The following ATP10B variants were observed in gnomAD, a reference collection of about 807,000 sequenced individuals.
The protein encoded by ATP10B is phospholipid-transporting ATPase VB.
A neutral mutation model predicts 141.2 loss-of-function variants in ATP10B; 122 were observed. The ratio of observed to expected loss-of-function variants is 0.86; its 90% CI spans 0.75 to 1.00. The LOEUF is 1.00. ATP10B is among the 50% of genes least tolerant of loss of function. The probability of loss-of-function intolerance (pLI) is 0.00; values close to 1 mark genes in which losing one functional copy is unlikely to be tolerated. For synonymous variants in ATP10B, 685 were observed against 692.0 expected, an observed-to-expected ratio of 0.99 and a Z score of 0.16; for missense variants, 1,876 against 1,825.3, an observed-to-expected ratio of 1.03 and a Z score of -0.51.
At chr5:160,589,803 G>A (rs1266969747) in intron 23 of ATP10B, 107 bp from the exon 24 acceptor site, 1 of 787,080 alleles carries the variant, frequency 1.3e-6, no homozygotes, top group Admixed American at 2.0e-5. Flanking sequence ...AATGGAGAAG[G>A]AGGTACCCAG....
chr5:160,652,073 C>A (rs1425288971), intron 7 of ATP10B, among the ~76,000 whole-genome samples: 2 of 152,112 alleles, frequency 1.3e-5, no homozygotes, highest in Non-Finnish European at 2.9e-5. Flanking sequence ...CTGCCGGGCC[C>A]CAGCAATGGT....
intron 2 of ATP10B, among the ~76,000 whole-genome samples, chr5:160,761,568 A>G (rs1166188194): frequency 6.6e-6 from 1 of 152,222 alleles, no homozygotes; most frequent in African/African-American, 2.4e-5. Flanking sequence ...CCTGTGGGAC[A>G]AAAGAATCTG....
chr5:160,919,334 T>C, the ATP10B span, among the ~76,000 whole-genome samples: 5 of 151,658 alleles, frequency 3.3e-5, no homozygotes, highest in African/African-American at 4.8e-5. Context: ...GGGCATCTGC[T>C]TTGTACTAGG....
chr5:160,697,436 A>G (rs887995595), intron 3 of ATP10B, among the ~76,000 whole-genome samples: 3 of 152,198 alleles, frequency 2.0e-5, no homozygotes, highest in Non-Finnish European at 2.9e-5. Flanking sequence ...CTTGTATGGA[A>G]TCAGTTCTTA....
chr5:160,669,669 A>G (rs4099128), intron 7 of ATP10B, among the ~76,000 whole-genome samples: 118,427 of 143,350 alleles, frequency 0.83, 48,762 homozygotes, highest in South Asian at 0.88. Flanking sequence ...CTGTGATCTT[A>G]GCTCACTGCA....
At chr5:160,648,194 T>G (rs918954897) in intron 8 of ATP10B, among the ~76,000 whole-genome samples, 2 of 152,212 alleles carry the variant, frequency 1.3e-5, no homozygotes, top group African/African-American at 4.8e-5. Context: ...CACATGACAA[T>G]GTTCTCTAGA....
At chr5:160,912,698 AAGAAAAG>A in the ATP10B span, among the ~76,000 whole-genome samples, 1 of 151,990 alleles carries the variant, frequency 6.6e-6, no homozygotes, top group Non-Finnish European at 1.5e-5. Context: ...AAAAAGAAAA[AAGAAAAG>A]AGAAAAGAAG....
the ATP10B span, among the ~76,000 whole-genome samples, chr5:160,862,319 T>C: frequency 6.6e-6 from 1 of 152,020 alleles, no homozygotes; most frequent in Non-Finnish European, 1.5e-5. Context: ...CTAAGCCTTC[T>C]GTGAAGAAGA....
chr5:160,862,047 G>C, the ATP10B span, among the ~76,000 whole-genome samples: 1 of 151,936 alleles, frequency 6.6e-6, no homozygotes, highest in Non-Finnish European at 1.5e-5. Context: ...AGTACATGAA[G>C]AAATATCCAG....
At chr5:160,928,288 A>G in the ATP10B span, among the ~76,000 whole-genome samples, 1 of 151,986 alleles carries the variant, frequency 6.6e-6, no homozygotes, top group Admixed American at 6.5e-5. Flanking sequence ...TTTGACAGGG[A>G]CTCTTAACAG....
intron 7 of ATP10B, among the ~76,000 whole-genome samples, chr5:160,653,085 A>G (rs1234686204): frequency 8.0e-6 from 1 of 124,418 alleles, no homozygotes; most frequent in South Asian, 2.3e-4. Flanking sequence ...TAGTGTATAT[A>G]TTATATATAC....
chr5:160,682,700 A>G (rs1763480875), intron 6 of ATP10B, among the ~76,000 whole-genome samples: 1 of 152,134 alleles, frequency 6.6e-6, no homozygotes, highest in African/African-American at 2.4e-5. Context: ...ACAAGACAGT[A>G]AGGTGGAAAA....
intron 2 of ATP10B, among the ~76,000 whole-genome samples, chr5:160,733,847 T>C (rs949241239): frequency 6.6e-6 from 1 of 151,856 alleles, no homozygotes; most frequent in African/African-American, 2.4e-5. Flanking sequence ...GGCTCATGCC[T>C]GTAATCCCAG....
At chr5:160,757,345 T>C (rs770187408) in intron 2 of ATP10B, among the ~76,000 whole-genome samples, 1 of 152,188 alleles carries the variant, frequency 6.6e-6, no homozygotes, top group Non-Finnish European at 1.5e-5. Flanking sequence ...GCCCTGACTA[T>C]GGGAATTTTT....
chr5:160,909,861 C>T, the ATP10B span, among the ~76,000 whole-genome samples: 2 of 152,072 alleles, frequency 1.3e-5, no homozygotes, highest in African/African-American at 2.4e-5. Context: ...CTCTGCTGAC[C>T]GACATGGAAG....
rs1581212395 is a variant in ATP10B, at chr5:160,620,603, C to T, written c.2160G>A (p.Glu720=). Residue 720 remains glutamate (E), a synonymous_variant, in exon 15 of 26, where the codon GAG becomes GAA. Coordinates refer to ENST00000327245, the MANE Select transcript of ATP10B (RefSeq NM_025153.3). ...LARPEFCYEA[E]SPDEAALVHA... ...GCACCAGGGCGGCCTCATCAGGGCT[C>T]TCAGCCTCGTAACAGAACTCAGGCC... 4 of 1,613,834 alleles carry T rather than the reference C, an allele frequency of 2.5e-6. No individual in the cohort carries two copies. Among genetic ancestry groups the T allele is most frequent in the Non-Finnish European group, 3.4e-6 (4 of 1,179,742 alleles).
At chr5:160,686,360 A>G in intron 5 of ATP10B, 87 bp from the exon 6 acceptor site, 1 of 1,041,678 alleles carries the variant, frequency 9.6e-7, no homozygotes, top group Non-Finnish European at 1.3e-6. Context: ...TTTGGCCTTG[A>G]TCAATTAAAC....
the ATP10B span, among the ~76,000 whole-genome samples, chr5:160,899,438 T>C: frequency 6.6e-6 from 1 of 151,952 alleles, no homozygotes; most frequent in South Asian, 2.1e-4. Flanking sequence ...TGAGGAAACT[T>C]TGGGGGTGAC....
chr5:160,832,653 C>T (rs1008763767), intron 1 of ATP10B, among the ~76,000 whole-genome samples: 2 of 152,054 alleles, frequency 1.3e-5, no homozygotes, highest in African/African-American at 4.8e-5. Flanking sequence ...TTTGCTCCCA[C>T]TTGTCAAAGA....
Sources: gnomAD v4.1 joint callset for allele counts (sites outside exome capture counted in the v4.1 genomes callset) on GRCh38, gnomAD v4.1.1 for gene constraint, MANE v1.5 for transcripts, NCBI Gene and HGNC (gene_info 2026-07-23, HGNC 2026-07-21) for gene names.